The following NFX1 variants were observed in gnomAD, a reference collection of about 807,000 sequenced individuals.
The protein encoded by NFX1 is transcriptional repressor NF-X1.
A neutral mutation model predicts 137.2 loss-of-function variants in NFX1; 69 were observed. That is an observed-to-expected ratio of 0.50 (90% CI 0.41 to 0.61). The LOEUF is 0.61. NFX1 is among the 20% of genes least tolerant of loss of function. The pLI is 0.00. For synonymous variants in NFX1, 495 were observed against 474.1 expected (o/e 1.04, Z -0.57); for missense variants, 1,167 against 1,391.0 (o/e 0.84, Z 2.56).
chr9:33,292,120 G>A (rs763526742), intron 1 of NFX1, among the ~76,000 whole-genome samples: 3 of 152,108 alleles, frequency 2.0e-5, no homozygotes, highest in Non-Finnish European at 4.4e-5. Flanking sequence ...AGAAGAATTC[G>A]GTGGGGCCTA....
chr9:33,293,235 G>A (rs577929396), intron 1 of NFX1, among the ~76,000 whole-genome samples: 2 of 152,318 alleles, frequency 1.3e-5, no homozygotes, highest in South Asian at 4.1e-4. Flanking sequence ...TTTCTCATCA[G>A]GAATGTAAGG....
intron 6 of NFX1, among the ~76,000 whole-genome samples, chr9:33,311,955 G>A (rs778385108): frequency 1.3e-5 from 2 of 152,104 alleles, no homozygotes; most frequent in Non-Finnish European, 1.5e-5. Flanking sequence ...CACAGTATCT[G>A]GCATCTAAGA....
chr9:33,310,655 C>G (rs976531666), intron 5 of NFX1, among the ~76,000 whole-genome samples: 9 of 152,162 alleles, frequency 5.9e-5, no homozygotes, highest in Admixed American at 3.3e-4. Context: ...TATTACTTCA[C>G]TAGCTGATAG....
chr9:33,319,251 A>G (rs887317753), intron 9 of NFX1, 124 bp downstream of exon 9: 1 of 791,570 alleles, frequency 1.3e-6, no homozygotes, highest in Admixed American at 2.7e-5. Flanking sequence ...TATTATGATC[A>G]TATTTATGTA....
chr9:33,306,433 G>A (rs1419193288), intron 4 of NFX1, among the ~76,000 whole-genome samples: 2 of 152,190 alleles, frequency 1.3e-5, no homozygotes, highest in African/African-American at 4.8e-5. Flanking sequence ...AAGATTCAGG[G>A]CAAGAGAGAA....
chr9:33,352,196 AATT>A (rs1224173576), intron 16 of NFX1, among the ~76,000 whole-genome samples: 2 of 152,204 alleles, frequency 1.3e-5, no homozygotes, highest in Non-Finnish European at 2.9e-5. Flanking sequence ...TTAGATAACT[AATT>A]ATGGCTGTGG....
At chr9:33,347,246 AT>A in intron 15 of NFX1, 129 bp downstream of exon 15, 1 of 681,336 alleles carries the variant, frequency 1.5e-6, no homozygotes, top group Non-Finnish European at 2.5e-6. Context: ...TTGCTTAAAA[AT>A]TTTTTCTTAA....
At chr9:33,290,962 T>G (rs937166769) in intron 1 of NFX1, among the ~76,000 whole-genome samples, 5 of 152,012 alleles carry the variant, frequency 3.3e-5, no homozygotes, top group African/African-American at 1.2e-4. Context: ...GTGTAGGGTG[T>G]GGTGTGCTCA....
chr9:33,317,973 CAAA>C (rs5897542), intron 7 of NFX1, among the ~76,000 whole-genome samples: 1 of 44,388 alleles, frequency 2.3e-5, no homozygotes, highest in Non-Finnish European at 3.5e-5. Flanking sequence ...GACTCTGTCT[CAAA>C]AAAAAAAAAA....
chr9:33,358,415 C>A (rs1249387421), intron 19 of NFX1, among the ~76,000 whole-genome samples: 1 of 151,978 alleles, frequency 6.6e-6, no homozygotes, highest in Non-Finnish European at 1.5e-5. Flanking sequence ...TGAGCCACTG[C>A]GCCTGGCCAA....
At chr9:33,365,299 A>C in intron 21 of NFX1, 1 of 153,444 alleles carries the variant, frequency 6.5e-6, no homozygotes, top group Admixed American at 6.5e-5. Context: ...AAAGAAAGAA[A>C]GCTCTGCAGT....
rs774029795 is a variant in NFX1 at position 33,294,908 on chromosome 9, A to G, written c.514A>G (p.Thr172Ala). The part of the protein sequence containing the change: ...DPRGAKPKKA[T>A]QFVYSYGRGP... The stretch of plus-strand genomic sequence containing the variant: ...CAGGGGAGCAAAACCCAAAAAAGCA[A>G]CACAGTTTGTATACAGCTATGGTAG... The change falls in exon 2 of 24, where the codon ACA becomes GCA. Residue 172 changes from threonine (T) to alanine (A), a missense_variant. By Grantham distance (58) the Thr-to-Ala change is moderately conservative (BLOSUM62 0). Coordinates refer to ENST00000379540, the MANE Select transcript of NFX1 (RefSeq NM_002504.6). 2.5e-6 allele frequency: 4 copies of G among 1,614,156 alleles called. No homozygotes were observed. Among genetic ancestry groups the G allele is most frequent in the Non-Finnish European group, 1.7e-6 (2 of 1,180,020 alleles).
In NFX1 at chr9:33,295,019, A is replaced by C; in HGVS notation, c.625A>C (p.Lys209Gln). ...GGAGGATGCTGGACCCGAAAGTACC[A>C]AACCTGTGGGGGTTTTCCACCCTGA... ...KPEDAGPEST[K>Q]PVGVFHPDSS... is the part of the protein sequence containing the mutation. The change falls in exon 2 of 24, where the codon AAA (lysine) becomes CAA (glutamine). Residue 209 changes from lysine to glutamine, a missense_variant. Lys to Gln is a moderately conservative substitution (Grantham distance 53). Transcript: ENST00000379540. 6.2e-7 allele frequency: 1 copy of C among 1,614,204 alleles called. No individual in the cohort carries two copies. Among genetic ancestry groups the C allele is most frequent in the South Asian group, 1.1e-5 (1 of 91,086 alleles).
chr9:33,349,468 A>T (rs1021586868), intron 15 of NFX1, among the ~76,000 whole-genome samples: 1 of 152,184 alleles, frequency 6.6e-6, no homozygotes, highest in African/African-American at 2.4e-5. Flanking sequence ...TGAGAACTAC[A>T]TTCTACTAAA....
chr9:33,321,022 A>G (rs181432918), intron 9 of NFX1, among the ~76,000 whole-genome samples: 4 of 152,174 alleles, frequency 2.6e-5, no homozygotes, highest in African/African-American at 9.7e-5. Context: ...TCTGCTTGCC[A>G]TGAAAATGTG....
chr9:33,348,705 A>G (rs1164793148), intron 15 of NFX1: 1 of 970,334 alleles, frequency 1.0e-6, no homozygotes, highest in Admixed American at 6.2e-5. Context: ...ATGAAATGCA[A>G]TAAAGTGAAG....
chr9:33,357,582 A>G (rs1032822916), intron 19 of NFX1, among the ~76,000 whole-genome samples: 1 of 152,000 alleles, frequency 6.6e-6, no homozygotes, highest in Non-Finnish European at 1.5e-5. Context: ...CCCATGCTGG[A>G]ATGTAGTGGC....
At chr9:33,317,759 T>A (rs1355458621) in intron 7 of NFX1, among the ~76,000 whole-genome samples, 1 of 151,944 alleles carries the variant, frequency 6.6e-6, no homozygotes, top group Non-Finnish European at 1.5e-5. Context: ...GTGGATCACC[T>A]GAGCTCAGGA....
chr9:33,300,600 G>C (rs1235092284), intron 2 of NFX1, among the ~76,000 whole-genome samples: 1 of 152,138 alleles, frequency 6.6e-6, no homozygotes, highest in East Asian at 1.9e-4. Flanking sequence ...AATTGTGTTT[G>C]AGGAAAAAAA....
Sources: allele counts gnomAD v4.1 joint callset (sites outside exome capture counted in the v4.1 genomes callset), GRCh38; gene constraint gnomAD v4.1.1; transcripts MANE v1.5; gene names NCBI Gene and HGNC (gene_info 2026-07-23, HGNC 2026-07-21).